IQCM: variants seen among roughly 807,000 people sequenced by gnomAD.
IQCM encodes IQ motif containing M, also known as IQ domain-containing protein M.
IQCM carries 45 observed loss-of-function variants against 57.6 expected under a neutral mutation model. The ratio of observed to expected loss-of-function variants is 0.78; its 90% CI spans 0.62 to 1.00. The LOEUF is 1.00. IQCM is among the 50% of genes least tolerant of loss of function. The pLI, the probability that IQCM is intolerant of heterozygous loss-of-function variation, is 0.00. For synonymous variants in IQCM, 148 were observed against 158.9 expected, an observed-to-expected ratio of 0.93 and a Z score of 0.51; for missense variants, 468 against 511.6, an observed-to-expected ratio of 0.91 and a Z score of 0.82.
chr4:149,601,433 G>A (rs923173188), intron 8 of IQCM, among the ~76,000 whole-genome samples: 2 of 152,078 alleles, frequency 1.3e-5, no homozygotes, highest in African/African-American at 4.8e-5. Context: ...AAGAAGAAAA[G>A]GCTGTACATG....
At chr4:149,637,691 T>A (rs1185189968) in intron 7 of IQCM, among the ~76,000 whole-genome samples, 1 of 152,026 alleles carries the variant, frequency 6.6e-6, no homozygotes, top group Non-Finnish European at 1.5e-5. Flanking sequence ...AACAGACCAA[T>A]GGAACAGAAC....
chr4:149,663,885 G>T (rs2150159858), intron 7 of IQCM, among the ~76,000 whole-genome samples: 1 of 152,196 alleles, frequency 6.6e-6, no homozygotes. Context: ...CTAGACTTGG[G>T]AAGGTTTCAG....
intron 5 of IQCM, among the ~76,000 whole-genome samples, chr4:149,688,052 C>A (rs1375416877): frequency 2.0e-5 from 3 of 151,878 alleles, no homozygotes; most frequent in Non-Finnish European, 4.4e-5. Context: ...GACAAGAATG[C>A]CCACTCTTAC....
intron 2 of IQCM, among the ~76,000 whole-genome samples, chr4:149,765,095 C>CA (rs200386936): frequency 9.9e-5 from 15 of 151,696 alleles, no homozygotes; most frequent in East Asian, 3.9e-4. Flanking sequence ...GAAAAATTAC[C>CA]AAAAAAAATT....
chr4:149,809,339 G>A (rs1384833224), intron 2 of IQCM, among the ~76,000 whole-genome samples: 1 of 151,896 alleles, frequency 6.6e-6, no homozygotes, highest in African/African-American at 2.4e-5. Context: ...GATAGGCTAA[G>A]AACAATCTTA....
chr4:149,767,898 T>G (rs547396391), intron 2 of IQCM, among the ~76,000 whole-genome samples: 2 of 152,132 alleles, frequency 1.3e-5, no homozygotes, highest in Non-Finnish European at 2.9e-5. Context: ...AGTGATAACA[T>G]AAAATGGACT....
intron 12 of IQCM, among the ~76,000 whole-genome samples, chr4:149,441,879 A>C (rs1258441842): frequency 6.6e-6 from 1 of 152,108 alleles, no homozygotes; most frequent in Non-Finnish European, 1.5e-5. Context: ...CCATGAGGGC[A>C]CAGCCCTCAT....
At position 149,733,424 on chromosome 4, in the gene IQCM, C is replaced by G; in HGVS notation, c.205G>C (p.Asp69His). ...ACCACATCACGTGTTACCTTTTTGT[C>G]AATCTCCAAAGGTATGTATTTGCCA... is the stretch of plus-strand genomic sequence containing the variant. The part of the protein sequence containing the change: ...KSGKYIPLEI[D>H]KKVTRDVVQE... Residue 69 changes from aspartate (D) to histidine (H), a missense_variant, in exon 5 of 14, where the codon GAC becomes CAC. Physicochemically the swap from Asp to His is moderately conservative, Grantham distance 81 (BLOSUM62 -1). Coordinates refer to ENST00000636793, the MANE Select transcript of IQCM (RefSeq NM_001363507.2). The G allele has an allele frequency of 8.1e-7, 1 of 1,231,786 alleles. No homozygotes were observed. The highest frequency in any genetic ancestry group is 1.0e-6 in the Non-Finnish European group (1 of 987,710). The allele number at this position is 1,231,786 out of a possible 1,614,324, so 76.3% of individuals were successfully genotyped here.
chr4:149,708,518 A>C (rs1035054091), intron 5 of IQCM, among the ~76,000 whole-genome samples: 2 of 152,064 alleles, frequency 1.3e-5, no homozygotes, highest in African/African-American at 4.8e-5. Flanking sequence ...CTTCTATTAT[A>C]AACCATTATA....
intron 12 of IQCM, among the ~76,000 whole-genome samples, chr4:149,443,828 T>C (rs1370929335): frequency 6.6e-6 from 1 of 151,890 alleles, no homozygotes; most frequent in African/African-American, 2.4e-5. Context: ...GTAGAAAAAG[T>C]ACAAATGCTA....
chr4:149,583,775 C>T (rs1216953999), intron 9 of IQCM, among the ~76,000 whole-genome samples: 1 of 151,546 alleles, frequency 6.6e-6, no homozygotes, highest in Non-Finnish European at 1.5e-5. Context: ...ATAATCTATA[C>T]AGCTTCTGGT....
chr4:149,438,983 G>A (rs1735643300), intron 12 of IQCM, among the ~76,000 whole-genome samples: 1 of 151,900 alleles, frequency 6.6e-6, no homozygotes, highest in Non-Finnish European at 1.5e-5. Context: ...AATATAAAAT[G>A]AGGTTATGAA....
In IQCM at chr4:149,548,043, T is replaced by G. The variant is rs997121378; in HGVS notation, c.1228+412A>C. On this transcript the variant is annotated intron_variant, in intron 12 of 13. Coordinates refer to ENST00000636793, the MANE Select transcript of IQCM (RefSeq NM_001363507.2). ...ATTATATTGAAATAGCTTACAATGT[T>G]TATACATTTTAACTTGACCGTGTTC... Among the ~76,000 whole-genome samples, 6 of 152,278 alleles carry G rather than the reference T, an allele frequency of 3.9e-5. No homozygotes were observed. The East Asian group carries it at 9.6e-4, about 24-fold the overall frequency.
intron 5 of IQCM, among the ~76,000 whole-genome samples, chr4:149,703,344 T>G (rs1763908346): frequency 6.6e-6 from 1 of 151,918 alleles, no homozygotes; most frequent in African/African-American, 2.4e-5. Context: ...CAATTAATTC[T>G]TATTCATGTT....
intron 2 of IQCM, among the ~76,000 whole-genome samples, chr4:149,801,328 T>TG (rs1238458608): frequency 6.6e-6 from 1 of 151,964 alleles, no homozygotes; most frequent in Non-Finnish European, 1.5e-5. Flanking sequence ...GAGAACAGTT[T>TG]GGAGGTTCCT....
At chr4:149,583,894 A>G (rs1483310044) in intron 9 of IQCM, among the ~76,000 whole-genome samples, 1 of 151,508 alleles carries the variant, frequency 6.6e-6, no homozygotes, top group Non-Finnish European at 1.5e-5. Context: ...TATACTAAAA[A>G]AGAGAAAATA....
At chr4:149,367,941 T>G (rs1323267749) in intron 13 of IQCM, among the ~76,000 whole-genome samples, 1 of 152,104 alleles carries the variant, frequency 6.6e-6, no homozygotes, top group African/African-American at 2.4e-5. Context: ...ATTTTTGTTT[T>G]GCGAATGGTT....
intron 2 of IQCM, among the ~76,000 whole-genome samples, chr4:149,811,654 T>C (rs1253748556): frequency 6.6e-6 from 1 of 152,144 alleles, no homozygotes; most frequent in African/African-American, 2.4e-5. Flanking sequence ...CATTCTGCCT[T>C]TTGGATGACA....
At chr4:149,534,866 CT>C (rs1375821436) in intron 12 of IQCM, among the ~76,000 whole-genome samples, 2 of 152,186 alleles carry the variant, frequency 1.3e-5, no homozygotes, top group East Asian at 3.9e-4. Flanking sequence ...AAAAAGGAAG[CT>C]TTTAGCATAA....
Sources: allele counts gnomAD v4.1 joint callset (sites outside exome capture counted in the v4.1 genomes callset), GRCh38; gene constraint gnomAD v4.1.1; transcripts MANE v1.5; gene names NCBI Gene and HGNC (gene_info 2026-07-23, HGNC 2026-07-21).